Variants in SLC6A11 observed in about 807,000 individuals in gnomAD.
SLC6A11 encodes sodium- and chloride-dependent GABA transporter 3.
SLC6A11 carries 25 observed loss-of-function variants against 74.8 expected under a neutral mutation model. That is an observed-to-expected ratio of 0.33 (90% CI 0.24 to 0.47). The LOEUF is 0.47. Among genes scored for constraint, SLC6A11 ranks in the 20% least tolerant of loss-of-function variants. The pLI, the probability that SLC6A11 is intolerant of heterozygous loss-of-function variation, is 1.00. For missense variants in SLC6A11, 574 were observed against 837.0 expected, an observed-to-expected ratio of 0.69 and a Z score of 3.88; for synonymous variants, 330 against 330.2, an observed-to-expected ratio of 1.00 and a Z score of 0.01.
In SLC6A11 at chr3:10,918,322, C is replaced by T; in HGVS notation, c.996-7C>T. ...TGACCCTAGTGCCTCTCGCTGCTTC[C>T]CCACAGGGACTGCATCATGCTCTGT... On this transcript the variant is annotated splice_polypyrimidine_tract_variant and splice_region_variant and intron_variant, in intron 7 of 13. Coordinates refer to ENST00000254488, the MANE Select transcript of SLC6A11 (RefSeq NM_014229.3). The surrounding 1 kb of genome is among the most constrained non-coding windows in gnomAD (Gnocchi z 4.5). The T allele has an allele frequency of 6.3e-7, 1 of 1,578,892 alleles. No individual in the cohort carries two copies. The highest frequency in any genetic ancestry group is 2.4e-5 in the East Asian group (1 of 42,000).
chr3:10,821,942 G>C (rs1331688985), intron 3 of SLC6A11, among the ~76,000 whole-genome samples: 1 of 152,138 alleles, frequency 6.6e-6, no homozygotes, highest in Non-Finnish European at 1.5e-5. Flanking sequence ...CAGGTTTCCA[G>C]GCTCCTCTCA....
At chr3:10,928,690 C>T (rs572776240) in intron 9 of SLC6A11, among the ~76,000 whole-genome samples, 1 of 152,134 alleles carries the variant, frequency 6.6e-6, no homozygotes, top group Admixed American at 6.5e-5. Flanking sequence ...AGCAGAGGGG[C>T]CTCATCTGCC....
intron 5 of SLC6A11, among the ~76,000 whole-genome samples, chr3:10,870,583 G>A (rs886497552): frequency 2.0e-5 from 3 of 152,342 alleles, no homozygotes; most frequent in South Asian, 4.1e-4. Flanking sequence ...ACAATGCACA[G>A]CTGTTCTCAG....
rs922652748 is a variant in SLC6A11 at position 10,926,759 on chromosome 3, G to T, written c.1233+643G>T. Among the ~76,000 whole-genome samples, 4 of 152,094 alleles carry T rather than the reference G, an allele frequency of 2.6e-5. No individual in the cohort carries two copies. Among genetic ancestry groups the T allele is most frequent in the Admixed American group, 2.6e-4 (4 of 15,282 alleles). On this transcript the variant is annotated intron_variant, in intron 9 of 13. Transcript: ENST00000254488. The surrounding 1 kb of genome is among the most constrained non-coding windows in gnomAD (Gnocchi z 5.7). Reference sequence around the variant, plus strand: ...GTTTCCCTTTGTTGCCACACAGCACGCAGGCGCTCGCTTCCCGCACTGAGC... The same window carrying T: ...GTTTCCCTTTGTTGCCACACAGCACTCAGGCGCTCGCTTCCCGCACTGAGC...
At chr3:10,925,903 G>T (rs1157228176) in intron 8 of SLC6A11, 101 bp from the exon 9 acceptor site, 1 of 705,984 alleles carries the variant, frequency 1.4e-6, no homozygotes, top group African/African-American at 1.8e-5. Context: ...CAGGCACAGT[G>T]CCTGGCGCAG....
rs547702661 is a variant in SLC6A11, at chr3:10,925,226, AT to A, written c.1121-777del. ...ATGAAGCTGCTCTTTAAAGTAAAAA[AT>A]CATCAGATTTCATGTCTATTAAGCA... On this transcript the variant is annotated intron_variant, in intron 8 of 13. Transcript: ENST00000254488. 2.7e-3 allele frequency among the ~76,000 whole-genome samples: 417 copies of A among 152,360 alleles called. 1 individual carries two copies. The highest frequency in any genetic ancestry group is 7.1e-3 in the Admixed American group (108 of 15,302).
chr3:10,836,865 G>C (rs977165073), intron 4 of SLC6A11, among the ~76,000 whole-genome samples: 1 of 152,220 alleles, frequency 6.6e-6, no homozygotes, highest in African/African-American at 2.4e-5. Flanking sequence ...TGTAAATAAA[G>C]TTTTATTGGA....
chr3:10,932,024 C>G (rs951562719), intron 10 of SLC6A11, among the ~76,000 whole-genome samples: 2 of 149,894 alleles, frequency 1.3e-5, no homozygotes, highest in African/African-American at 2.5e-5. Context: ...TACCCCACCC[C>G]ACCTGATCCT....
At chr3:10,921,184 C>A (rs779555915) in intron 8 of SLC6A11, among the ~76,000 whole-genome samples, 2 of 152,220 alleles carry the variant, frequency 1.3e-5, no homozygotes, top group African/African-American at 2.4e-5. Flanking sequence ...GATGCTGTTA[C>A]ACTCAGGATG....
At chr3:10,850,573 T>C (rs913060510) in intron 5 of SLC6A11, among the ~76,000 whole-genome samples, 10 of 152,124 alleles carry the variant, frequency 6.6e-5, no homozygotes, top group African/African-American at 2.4e-4. Flanking sequence ...AGGGATGGCC[T>C]CTGTGATGGG....
chr3:10,850,719 G>C (rs1219653226), intron 5 of SLC6A11, among the ~76,000 whole-genome samples: 3 of 152,196 alleles, frequency 2.0e-5, no homozygotes. Flanking sequence ...GCGGGGGTCA[G>C]GCGTCATCGA....
chr3:10,896,678 T>A (rs1353890893), intron 6 of SLC6A11, among the ~76,000 whole-genome samples: 1 of 152,250 alleles, frequency 6.6e-6, no homozygotes, highest in African/African-American at 2.4e-5. Context: ...AGGGGCTTGC[T>A]CGACTTTCTT....
At position 10,918,212 on chromosome 3, in the gene SLC6A11, T is replaced by G; in HGVS notation, c.996-117T>G. Reference sequence around the variant, plus strand: ...TCCATCAGAAAAACAGAGCTCCCTGTGCCTGCACTTCCCTGCCTGCCTCAC... The same window carrying G: ...TCCATCAGAAAAACAGAGCTCCCTGGGCCTGCACTTCCCTGCCTGCCTCAC... On this transcript the variant is annotated intron_variant, in intron 7 of 13. Coordinates refer to ENST00000254488, the MANE Select transcript of SLC6A11 (RefSeq NM_014229.3). This position sits in a 1 kb window ranked among gnomAD's most constrained non-coding sequence, Gnocchi z 4.5. 1 of 1,192,522 alleles carries G rather than the reference T, an allele frequency of 8.4e-7. No individual in the cohort carries two copies. The highest frequency in any genetic ancestry group is 1.1e-6 in the Non-Finnish European group (1 of 884,658). 73.9% of individuals were successfully genotyped at this position (1,192,522 alleles called of 1,614,324 possible).
At chr3:10,900,975 T>C (rs1007041917) in intron 6 of SLC6A11, among the ~76,000 whole-genome samples, 2 of 152,176 alleles carry the variant, frequency 1.3e-5, no homozygotes, top group African/African-American at 4.8e-5. Context: ...AATGGGAAAC[T>C]TCTAGCATTT....
chr3:10,823,446 T>C, intron 4 of SLC6A11, 54 bp downstream of exon 4: 1 of 1,213,144 alleles, frequency 8.2e-7, no homozygotes, highest in Non-Finnish European at 1.2e-6. Flanking sequence ...GTCCTGGTTC[T>C]GCTCAGTTGG....
intron 3 of SLC6A11, 132 bp from the exon 4 acceptor site, chr3:10,823,170 G>GC (rs1289814582): frequency 7.6e-6 from 5 of 658,934 alleles, no homozygotes; most frequent in African/African-American, 5.4e-5. Flanking sequence ...TTTCCCCACT[G>GC]CCCTTTGACG....
chr3:10,915,607 G>T lies in SLC6A11; in HGVS notation c.996-2722G>T, dbSNP rs1299839250. Among the ~76,000 whole-genome samples, 2 of 152,122 alleles carry T rather than the reference G, an allele frequency of 1.3e-5. No homozygotes were observed. The highest frequency in any genetic ancestry group is 2.9e-5 in the Non-Finnish European group (2 of 68,032). The stretch of plus-strand genomic sequence containing the variant: ...AGGAATTAGAGGGATGGAAATGGGA[G>T]CGAGCCAGGCAGGGAAAATCCTCAC... On this transcript the variant is annotated intron_variant, in intron 7 of 13. Coordinates refer to ENST00000254488, the MANE Select transcript of SLC6A11 (RefSeq NM_014229.3). This position sits in a 1 kb window ranked among gnomAD's most constrained non-coding sequence, Gnocchi z 4.3.
At chr3:10,924,592 C>A (rs888873044) in intron 8 of SLC6A11, among the ~76,000 whole-genome samples, 2 of 151,934 alleles carry the variant, frequency 1.3e-5, no homozygotes, top group Non-Finnish European at 2.9e-5. Flanking sequence ...GTAATAACTC[C>A]TCTGACAAAG....
chr3:10,855,277 G>A lies in SLC6A11; in HGVS notation c.756+10931G>A, dbSNP rs981385396. Among the ~76,000 whole-genome samples the A allele has an allele frequency of 5.9e-5, 9 of 152,282 alleles. No homozygotes were observed. In the South Asian group the frequency reaches 1.0e-3, roughly 18 times the overall value. On this transcript the variant is annotated intron_variant, in intron 5 of 13. Coordinates refer to ENST00000254488, the MANE Select transcript of SLC6A11 (RefSeq NM_014229.3). ...GATGTGAAAAACTGAGGCTCTAAAGGTTTAAGTAATGGGCTTGAGATCAAT... is the reference window on the plus strand; with the variant it reads ...GATGTGAAAAACTGAGGCTCTAAAGATTTAAGTAATGGGCTTGAGATCAAT...
Sources: allele counts gnomAD v4.1 joint callset (sites outside exome capture counted in the v4.1 genomes callset), GRCh38; gene constraint gnomAD v4.1.1; non-coding constraint Gnocchi (gnomAD v3.1); transcripts MANE v1.5; gene names NCBI Gene and HGNC (gene_info 2026-07-23, HGNC 2026-07-21).